Variants in BORCS5 observed in about 807,000 individuals in gnomAD.
BORCS5 encodes the protein BLOC-1 related complex subunit 5, also known as BLOC-1-related complex subunit 5.
A neutral mutation model predicts 22.1 loss-of-function variants in BORCS5; 17 were observed. The observed-to-expected ratio is 0.77, with a 90% CI of 0.53 to 1.15. The LOEUF (loss-of-function observed/expected upper bound fraction) is 1.15, where lower values mean the gene tolerates loss of function less well. Ranked by LOEUF, BORCS5 falls within the 50% of genes most tolerant of loss-of-function variation. The pLI, the probability that BORCS5 is intolerant of heterozygous loss-of-function variation, is 0.00. For synonymous variants in BORCS5, 117 were observed against 99.8 expected (o/e 1.17, Z -1.03); for missense variants, 247 against 253.2 (o/e 0.98, Z 0.17).
intron 2 of BORCS5, among the ~76,000 whole-genome samples, chr12:12,411,587 T>C (rs1941734865): frequency 6.6e-6 from 1 of 152,232 alleles, no homozygotes; most frequent in Non-Finnish European, 1.5e-5. Context: ...GATAGTATCT[T>C]TTCATGCATA....
At chr12:12,396,532 C>T (rs1041114005) in intron 2 of BORCS5, among the ~76,000 whole-genome samples, 10 of 151,962 alleles carry the variant, frequency 6.6e-5, no homozygotes, top group Admixed American at 2.6e-4. Flanking sequence ...GCCCTAGGTC[C>T]GCTGAATGCA....
intron 3 of BORCS5, among the ~76,000 whole-genome samples, chr12:12,457,764 C>T (rs943314522): frequency 5.9e-5 from 9 of 152,240 alleles, no homozygotes; most frequent in Admixed American, 5.9e-4. Context: ...GGTAAAAGCT[C>T]TGGCTCAATC....
chr12:12,407,105 T>C (rs1941612219), intron 2 of BORCS5, among the ~76,000 whole-genome samples: 1 of 152,240 alleles, frequency 6.6e-6, no homozygotes. Context: ...GAATTGTGAA[T>C]GTTTGTAATG....
intron 3 of BORCS5, among the ~76,000 whole-genome samples, chr12:12,449,288 A>G (rs1343583500): frequency 6.6e-6 from 1 of 152,198 alleles, no homozygotes; most frequent in Non-Finnish European, 1.5e-5. Flanking sequence ...TCAGATGTCT[A>G]CGTGCCCTAC....
intron 3 of BORCS5, among the ~76,000 whole-genome samples, chr12:12,458,710 C>T (rs183799862): frequency 1.3e-5 from 2 of 151,340 alleles, no homozygotes; most frequent in African/African-American, 4.9e-5. Context: ...CGGTGGCTCA[C>T]GCTTGTAATC....
chr12:12,422,656 A>T (rs969054563), intron 2 of BORCS5, among the ~76,000 whole-genome samples: 2 of 152,128 alleles, frequency 1.3e-5, no homozygotes, highest in African/African-American at 4.8e-5. Context: ...CAGAGCAGTG[A>T]CAGCTTAACT....
intron 3 of BORCS5, among the ~76,000 whole-genome samples, chr12:12,444,157 A>G (rs1429133866): frequency 6.6e-6 from 1 of 152,240 alleles, no homozygotes; most frequent in Non-Finnish European, 1.5e-5. Flanking sequence ...ATATTCTTCA[A>G]TTATCTCATC....
At chr12:12,420,454 T>C (rs1942085950) in intron 2 of BORCS5, among the ~76,000 whole-genome samples, 1 of 152,194 alleles carries the variant, frequency 6.6e-6, no homozygotes, top group Non-Finnish European at 1.5e-5. Context: ...TGTAGCCTTG[T>C]AGTATAGTTG....
rs562627070 is a variant in BORCS5, at chr12:12,428,572, A to G, written c.203-7056A>G. Among the ~76,000 whole-genome samples, 8 of 26,172 alleles carry G rather than the reference A, an allele frequency of 3.1e-4. No homozygotes were observed. The South Asian group carries it at 3.8e-3, about 13-fold the overall frequency. The allele number at this position is 26,172 out of a possible 152,430, so 17.2% of individuals were successfully genotyped here. A position where few individuals can be genotyped will look rare whatever the true frequency, so the allele number is the denominator to read the frequency against. On this transcript the variant is annotated intron_variant, in intron 2 of 3. Transcript: ENST00000314565. ...TGGGTGCATCCCCGTATTAAACTAA[A>G]GAAGAAGTAGAAAACTGAAGGCAAT...
chr12:12,462,116 G>T (rs1417624453), intron 3 of BORCS5, among the ~76,000 whole-genome samples: 2 of 152,180 alleles, frequency 1.3e-5, no homozygotes, highest in Non-Finnish European at 1.5e-5. Context: ...CATAGTGCAT[G>T]GCACATGGCA....
At chr12:12,438,140 T>C (rs570198593) in intron 3 of BORCS5, among the ~76,000 whole-genome samples, 1 of 152,102 alleles carries the variant, frequency 6.6e-6, no homozygotes, top group Non-Finnish European at 1.5e-5. Context: ...TTATTCTTTT[T>C]AAAAAGTCCT....
rs1013792400 is a variant in BORCS5, at chr12:12,357,397, C to T, written c.-55C>T. 5.7e-6 allele frequency: 9 copies of T among 1,585,614 alleles called. No homozygotes were observed. The African/African-American group carries it at 1.2e-4, about 21-fold the overall frequency. On this transcript the variant is annotated 5_prime_UTR_variant, in exon 1 of 4. Transcript: ENST00000314565. ...CTGGCCCCTGCCCTGTCGCCCGCCG[C>T]CGGAGCGGTGACCGCCCGGCCCGCC...
At chr12:12,407,549 T>C (rs1343698488) in intron 2 of BORCS5, among the ~76,000 whole-genome samples, 1 of 152,176 alleles carries the variant, frequency 6.6e-6, no homozygotes, top group Non-Finnish European at 1.5e-5. Context: ...GCATTAAGTA[T>C]ATTCACATTG....
intron 3 of BORCS5, among the ~76,000 whole-genome samples, chr12:12,445,469 C>T (rs192689645): frequency 1.3e-5 from 1 of 75,564 alleles, no homozygotes; most frequent in African/African-American, 5.0e-5. Context: ...CTGTATTTTA[C>T]AAGATTTCTA....
rs986169229 is a variant in BORCS5 at position 12,466,357 on chromosome 12, C to A, written c.*581C>A. On this transcript the variant is annotated 3_prime_UTR_variant, in exon 4 of 4. Coordinates refer to ENST00000314565, the MANE Select transcript of BORCS5 (RefSeq NM_058169.6). ...TTTTGTTGACTGTCAGGTTAGGTGT[C>A]CCTTAGTCGTCATCAGAAGCTGAAG... 1 of 152,250 alleles carries A rather than the reference C, an allele frequency of 6.6e-6. No homozygotes were observed. The highest frequency in any genetic ancestry group is 2.4e-5 in the African/African-American group (1 of 41,456). 9.4% of individuals were successfully genotyped at this position (152,250 alleles called of 1,614,324 possible).
intron 1 of BORCS5, among the ~76,000 whole-genome samples, chr12:12,359,652 G>A (rs1224498338): frequency 4.1e-5 from 6 of 147,470 alleles, no homozygotes; most frequent in Non-Finnish European, 7.5e-5. Context: ...GTGAGCCACC[G>A]TGCCCAGCCG....
In BORCS5 at chr12:12,387,837, G is replaced by A. The variant is rs569480606; in HGVS notation, c.202+26488G>A. On this transcript the variant is annotated intron_variant, in intron 2 of 3. Transcript: ENST00000314565. ...ATTCATCCACAGTTCAGTGTCACAT[G>A]TAGCCTCAGTTTCTAGCTTGTTGAA... 3.0e-4 allele frequency among the ~76,000 whole-genome samples: 45 copies of A among 151,520 alleles called. 1 individual carries two copies. The highest frequency in any genetic ancestry group is 9.9e-4 in the African/African-American group (41 of 41,296).
intron 2 of BORCS5, among the ~76,000 whole-genome samples, chr12:12,409,409 T>C (rs1941667441): frequency 6.7e-6 from 1 of 150,078 alleles, no homozygotes; most frequent in African/African-American, 2.5e-5. Context: ...GTGTGATGTT[T>C]CCCTTCCTGT....
chr12:12,456,318 C>T (rs1034686439), intron 3 of BORCS5, among the ~76,000 whole-genome samples: 1 of 152,164 alleles, frequency 6.6e-6, no homozygotes, highest in Non-Finnish European at 1.5e-5. Flanking sequence ...GTAGTCTCAG[C>T]TACTCAGGAA....
Sources: gnomAD v4.1 joint callset for allele counts (sites outside exome capture counted in the v4.1 genomes callset) on GRCh38, gnomAD v4.1.1 for gene constraint, MANE v1.5 for transcripts, NCBI Gene and HGNC (gene_info 2026-07-23, HGNC 2026-07-21) for gene names.